The following COPS2 variants were observed in gnomAD, a reference collection of about 807,000 sequenced individuals.
COPS2 encodes COP9 signalosome subunit 2, also known as COP9 signalosome complex subunit 2.
COPS2 carries 10 observed loss-of-function variants against 66.1 expected under a neutral mutation model. That is an observed-to-expected ratio of 0.15 (90% CI 0.09 to 0.26). COPS2 has a LOEUF of 0.26. Among genes scored for constraint, COPS2 ranks in the 10% least tolerant of loss-of-function variants. The pLI, the probability that COPS2 is intolerant of heterozygous loss-of-function variation, is 1.00. For synonymous variants in COPS2, 179 were observed against 171.3 expected, an observed-to-expected ratio of 1.04 and a Z score of -0.35; for missense variants, 215 against 513.3, an observed-to-expected ratio of 0.42 and a Z score of 5.62.
Position 49,123,485 on chromosome 15 carries a change from C to A in COPS2, c.*4465G>T, listed in dbSNP as rs2084140297. On this transcript the variant is annotated 3_prime_UTR_variant, in exon 13 of 13. Coordinates refer to ENST00000388901, the MANE Select transcript of COPS2 (RefSeq NM_004236.4). ...AAGTGATATTAAGTAAAATAGAAAACTGGAAAATTACTGTGATAAACTGGT... is the reference window on the plus strand; with the variant it reads ...AAGTGATATTAAGTAAAATAGAAAAATGGAAAATTACTGTGATAAACTGGT... The A allele has an allele frequency of 6.6e-6, 1 of 152,192 alleles. No homozygotes were observed. Among genetic ancestry groups the A allele is most frequent in the African/African-American group, 2.4e-5 (1 of 41,526 alleles). The allele number at this position is 152,192 out of a possible 1,614,324, so 9.4% of individuals were successfully genotyped here.
intron 3 of COPS2, among the ~76,000 whole-genome samples, chr15:49,143,231 A>G (rs1463366626): frequency 1.3e-5 from 2 of 152,202 alleles, no homozygotes; most frequent in Non-Finnish European, 2.9e-5. Flanking sequence ...AGCAAATAAA[A>G]ACAGCAGCAA....
chr15:49,132,367 A>T (rs1243170722), intron 9 of COPS2, among the ~76,000 whole-genome samples: 1 of 151,572 alleles, frequency 6.6e-6, no homozygotes, highest in Non-Finnish European at 1.5e-5. Flanking sequence ...TTTTTTTTAC[A>T]GCCAAAATTA....
At chr15:49,146,298 T>TG (rs1462594503) in intron 1 of COPS2, among the ~76,000 whole-genome samples, 1 of 152,140 alleles carries the variant, frequency 6.6e-6, no homozygotes, top group Non-Finnish European at 1.5e-5. Context: ...GAAAATCACT[T>TG]GGAACACTTC....
intron 1 of COPS2, among the ~76,000 whole-genome samples, chr15:49,147,980 C>T (rs2084333008): frequency 6.6e-6 from 1 of 152,150 alleles, no homozygotes; most frequent in South Asian, 2.1e-4. Flanking sequence ...ATCTGCAACG[C>T]CATGTTCGTA....
At chr15:49,149,056 C>A (rs2084340577) in intron 1 of COPS2, among the ~76,000 whole-genome samples, 1 of 152,054 alleles carries the variant, frequency 6.6e-6, no homozygotes, top group African/African-American at 2.4e-5. Flanking sequence ...GCTTTAAAAA[C>A]AAATGAAGAG....
intron 3 of COPS2, 120 bp downstream of exon 3, chr15:49,144,107 C>A: frequency 2.8e-6 from 2 of 709,552 alleles, no homozygotes; most frequent in Admixed American, 2.6e-5. Context: ...GCAGAGCAGA[C>A]TAAATATAAA....
In COPS2 at chr15:49,133,133, C is replaced by T. The variant is rs571019679; in HGVS notation, c.947+626G>A. Among the ~76,000 whole-genome samples the T allele has an allele frequency of 3.9e-5, 6 of 152,000 alleles. 1 individual carries two copies. In the East Asian group the frequency reaches 7.7e-4, roughly 20 times the overall value. ...CCTCCCGAGTAGCTGAGACTACAGG[C>T]GCCTGCCACCACGCCCGGCTAATTT... On this transcript the variant is annotated intron_variant, in intron 9 of 12. Transcript: ENST00000388901.
rs1215202513 is a variant in COPS2, at chr15:49,125,892, C to T, written c.*2058G>A. 1.3e-5 allele frequency: 2 copies of T among 152,060 alleles called. No homozygotes were observed. Among genetic ancestry groups the T allele is most frequent in the Non-Finnish European group, 2.9e-5 (2 of 67,932 alleles). The allele number at this position is 152,060 out of a possible 1,614,324, so 9.4% of individuals were successfully genotyped here. A position where few individuals can be genotyped will look rare whatever the true frequency, so the allele number is the denominator to read the frequency against. On this transcript the variant is annotated 3_prime_UTR_variant, in exon 13 of 13. Coordinates refer to ENST00000388901, the MANE Select transcript of COPS2 (RefSeq NM_004236.4). ...ACTATTGTACAAAGCAAAGATAGCA[C>T]AGGAGAACTGGGCACTGTAAGAATT...
intron 12 of COPS2, 64 bp downstream of exon 12, chr15:49,128,638 T>G: frequency 8.7e-7 from 1 of 1,146,394 alleles, no homozygotes; most frequent in African/African-American, 1.6e-5. Context: ...TTGTTACCTT[T>G]GTCACTATTA....
chr15:49,146,707 T>C (rs888707980), intron 1 of COPS2, among the ~76,000 whole-genome samples: 2 of 152,140 alleles, frequency 1.3e-5, no homozygotes, highest in African/African-American at 4.8e-5. Flanking sequence ...CTTTCATCTC[T>C]CCACAAACTT....
intron 6 of COPS2, among the ~76,000 whole-genome samples, chr15:49,135,113 T>A (rs529497347): frequency 6.6e-6 from 1 of 152,326 alleles, no homozygotes; most frequent in African/African-American, 2.4e-5. Context: ...ATAAAAGTTA[T>A]GTGAATGTGA....
intron 8 of COPS2, 30 bp downstream of exon 8, chr15:49,133,900 A>G (rs1431073872): frequency 3.8e-6 from 6 of 1,568,828 alleles, no homozygotes; most frequent in South Asian, 3.6e-5. Context: ...GATAGCTGAT[A>G]AGAGAAATTA....
chr15:49,145,210 G>GT, intron 1 of COPS2, 132 bp from the exon 2 acceptor site: 1 of 485,204 alleles, frequency 2.1e-6, no homozygotes, highest in South Asian at 3.7e-5. Flanking sequence ...GAATACATAC[G>GT]TAAAATGCCA....
intron 1 of COPS2, among the ~76,000 whole-genome samples, chr15:49,149,420 AT>A (rs1416668100): frequency 6.6e-6 from 1 of 152,068 alleles, no homozygotes; most frequent in Admixed American, 6.6e-5. Flanking sequence ...AGCAAACTAA[AT>A]TTTTTTTCTC....
chr15:49,139,431 A>T (rs931559117), intron 4 of COPS2, 97 bp downstream of exon 4: 27 of 947,770 alleles, frequency 2.8e-5, no homozygotes, highest in Non-Finnish European at 4.4e-5. Context: ...CAACTACTTA[A>T]ATAGAAGCTC....
At chr15:49,146,844 G>A (rs1461505976) in intron 1 of COPS2, among the ~76,000 whole-genome samples, 4 of 152,012 alleles carry the variant, frequency 2.6e-5, no homozygotes, top group Admixed American at 6.6e-5. Context: ...TCTTAAAATC[G>A]AGAGCAAAAT....
Position 49,126,370 on chromosome 15 carries a change from A to G in COPS2, c.*1580T>C, listed in dbSNP as rs1456159598. ...AATATATATCACATATTTTCGTAAA[A>G]TTTTGACAAAACCGAATAAGCATGC... On this transcript the variant is annotated 3_prime_UTR_variant, in exon 13 of 13. Transcript: ENST00000388901. The G allele has an allele frequency of 1.3e-5, 2 of 152,358 alleles. No individual in the cohort carries two copies. Among genetic ancestry groups the G allele is most frequent in the Non-Finnish European group, 2.9e-5 (2 of 67,904 alleles). The allele number at this position is 152,358 out of a possible 1,614,324, so 9.4% of individuals were successfully genotyped here.
chr15:49,134,663 C>G (rs1192238279), intron 6 of COPS2, 149 bp from the exon 7 acceptor site: 5 of 591,532 alleles, frequency 8.5e-6, no homozygotes, highest in Non-Finnish European at 1.4e-5. Flanking sequence ...CTAAGAATAC[C>G]ACTTGTAATG....
intron 3 of COPS2, among the ~76,000 whole-genome samples, chr15:49,140,583 C>T (rs1037188484): frequency 2.6e-5 from 4 of 152,026 alleles, no homozygotes; most frequent in Non-Finnish European, 4.4e-5. Context: ...TTCCAGGAAA[C>T]AAGAAAGGTC....
Sources: allele counts gnomAD v4.1 joint callset (sites outside exome capture counted in the v4.1 genomes callset), GRCh38; gene constraint gnomAD v4.1.1; transcripts MANE v1.5; gene names NCBI Gene and HGNC (gene_info 2026-07-23, HGNC 2026-07-21).